DEF6: variants seen among roughly 807,000 people sequenced by gnomAD.
DEF6 encodes the protein DEF6 guanine nucleotide exchange factor, also known as differentially expressed in FDCP 6 homolog.
DEF6 carries 32 observed loss-of-function variants against 80.5 expected under a neutral mutation model. The observed-to-expected ratio is 0.40, with a 90% CI of 0.30 to 0.53. DEF6 has a LOEUF of 0.53. Ranked by LOEUF, DEF6 falls within the 20% of genes least tolerant of loss-of-function variation. The probability of loss-of-function intolerance (pLI) is 0.57; values close to 1 mark genes in which losing one functional copy is unlikely to be tolerated. For missense variants in DEF6, 575 were observed against 818.7 expected, an observed-to-expected ratio of 0.70 and a Z score of 3.63; for synonymous variants, 300 against 337.9, an observed-to-expected ratio of 0.89 and a Z score of 1.23.
chr6:35,299,942 C>T (rs1361563586), intron 1 of DEF6, among the ~76,000 whole-genome samples: 4 of 152,202 alleles, frequency 2.6e-5, no homozygotes, highest in East Asian at 1.9e-4. Flanking sequence ...AGGAAGCAGA[C>T]GAGAGAGTTA....
intron 1 of DEF6, among the ~76,000 whole-genome samples, 176 bp downstream of exon 1, chr6:35,298,128 C>T (rs1024756083): frequency 1.3e-5 from 2 of 152,184 alleles, no homozygotes; most frequent in East Asian, 1.9e-4. Flanking sequence ...TGGTAGATGC[C>T]GCTGCCCACC....
chr6:35,312,529 C>T lies in DEF6; in HGVS notation c.651C>T (p.Val217=), dbSNP rs1399854386. 6.2e-7 allele frequency: 1 copy of T among 1,613,996 alleles called. No homozygotes were observed. The highest frequency in any genetic ancestry group is 8.5e-7 in the Non-Finnish European group (1 of 1,180,018). The change falls in exon 4 of 11, where the codon GTC becomes GTT. Residue 217 remains valine, a synonymous_variant. Coordinates refer to ENST00000316637, the MANE Select transcript of DEF6 (RefSeq NM_022047.4). This position sits in a 1 kb window ranked among gnomAD's most constrained non-coding sequence, Gnocchi z 6.6. ...TCTACCAGGAGCTCATCCAAGATGT[C>T]CTGAAGCAGGTCAGGCAAGCTGGGA... ...HEVYQELIQD[V]LKQGYLWKRG... is the part of the protein sequence containing the mutation.
chr6:35,297,987 G>A, intron 1 of DEF6, 35 bp downstream of exon 1: 1 of 1,536,356 alleles, frequency 6.5e-7, no homozygotes, highest in East Asian at 2.3e-5. Context: ...GAGGACGGCA[G>A]ATGCACCACA....
chr6:35,310,065 A>G (rs1472405924), intron 2 of DEF6, among the ~76,000 whole-genome samples: 1 of 149,910 alleles, frequency 6.7e-6, no homozygotes. Context: ...CTTCCACCGA[A>G]TCCCTGCCCG....
rs746145271 is a variant in DEF6 at position 35,318,276 on chromosome 6, G to A, written c.1020G>A (p.Arg340=). The part of the protein sequence containing the change: ...REQREQRERR[R]AAKEEELLRL... ...AGCGGGAGCAGCGGGAGCGGCGCCGGGCGGCCAAGGAAGAGGAGCTGCTGC... is the reference window on the plus strand; with the variant it reads ...AGCGGGAGCAGCGGGAGCGGCGCCGAGCGGCCAAGGAAGAGGAGCTGCTGC... The change falls in exon 7 of 11, where the codon CGG becomes CGA. Residue 340 remains arginine, a synonymous_variant. Coordinates refer to ENST00000316637, the MANE Select transcript of DEF6 (RefSeq NM_022047.4). The surrounding 1 kb of genome is among the most constrained non-coding windows in gnomAD (Gnocchi z 5.1). 23 of 1,567,830 alleles carry A rather than the reference G, an allele frequency of 1.5e-5. No homozygotes were observed. The highest frequency in any genetic ancestry group is 1.9e-5 in the Non-Finnish European group (22 of 1,158,060).
intron 5 of DEF6, 115 bp from the exon 6 acceptor site, chr6:35,317,776 G>A (rs984112126): frequency 1.2e-6 from 1 of 810,298 alleles, no homozygotes; most frequent in East Asian, 2.8e-5. Context: ...GGCAGAGTGG[G>A]GTCCCCAGGG....
At chr6:35,308,395 G>A (rs1005160718) in intron 1 of DEF6, among the ~76,000 whole-genome samples, 6 of 151,502 alleles carry the variant, frequency 4.0e-5, no homozygotes, top group South Asian at 2.1e-4. Flanking sequence ...AGTTTTGGCC[G>A]GGCATGGTGC....
intron 1 of DEF6, among the ~76,000 whole-genome samples, chr6:35,303,043 C>CA (rs1791336217): frequency 6.6e-6 from 1 of 152,166 alleles, no homozygotes; most frequent in Admixed American, 6.5e-5. Flanking sequence ...CTCCCCTAGT[C>CA]ACACCCTCTC....
intron 1 of DEF6, among the ~76,000 whole-genome samples, chr6:35,299,639 G>C (rs1791287505): frequency 6.6e-6 from 1 of 152,196 alleles, no homozygotes; most frequent in African/African-American, 2.4e-5. Flanking sequence ...TGCTTGAACT[G>C]TCCACTGTCT....
rs1273186831 is a variant in DEF6, at chr6:35,319,585, A to T, written c.1277A>T (p.Gln426Leu). ...GAGGAGGAGGCTGCCCGGCAGCGGC[A>T]GCGCATCAAGGAGCTGGAGGAGATG... is the stretch of plus-strand genomic sequence containing the variant. The part of the protein sequence containing the change: ...LKEEEAARQR[Q>L]RIKELEEMQQ... The change falls in exon 8 of 11, where the codon CAG becomes CTG. Residue 426 changes from glutamine (Q) to leucine (L), a missense_variant. Physicochemically the swap from Gln to Leu is moderately radical, Grantham distance 113. Coordinates refer to ENST00000316637, the MANE Select transcript of DEF6 (RefSeq NM_022047.4). This position sits in a 1 kb window ranked among gnomAD's most constrained non-coding sequence, Gnocchi z 4.5. 6.2e-7 allele frequency: 1 copy of T among 1,613,894 alleles called. No individual in the cohort carries two copies. Among genetic ancestry groups the T allele is most frequent in the Admixed American group, 1.7e-5 (1 of 59,998 alleles).
At chr6:35,315,767 C>G (rs1791517579) in intron 5 of DEF6, among the ~76,000 whole-genome samples, 1 of 151,246 alleles carries the variant, frequency 6.6e-6, no homozygotes. Flanking sequence ...TATACAAATG[C>G]TACTGGGTTT....
chr6:35,298,176 G>A (rs968003526), intron 1 of DEF6, among the ~76,000 whole-genome samples: 2 of 152,180 alleles, frequency 1.3e-5, no homozygotes, highest in Non-Finnish European at 2.9e-5. Context: ...GAAACCTTGC[G>A]CAGAACTGGG....
chr6:35,303,160 G>T (rs1428409057), intron 1 of DEF6, among the ~76,000 whole-genome samples: 2 of 152,078 alleles, frequency 1.3e-5, no homozygotes, highest in African/African-American at 4.8e-5. Context: ...ATTCTTCCTT[G>T]TCCTACTATC....
At position 35,319,514 on chromosome 6, in the gene DEF6, C is replaced by G. The variant is rs779358538; in HGVS notation, c.1216-10C>G. The G allele has an allele frequency of 2.5e-6, 4 of 1,605,322 alleles. No homozygotes were observed. The highest frequency in any genetic ancestry group is 2.6e-6 in the Non-Finnish European group (3 of 1,175,034). On this transcript the variant is annotated splice_polypyrimidine_tract_variant and intron_variant, in intron 7 of 10. Transcript: ENST00000316637. This position sits in a 1 kb window ranked among gnomAD's most constrained non-coding sequence, Gnocchi z 4.5. ...CCTGGCTCTTGGTCCACCACCTCCCCCCTCCACAGGCCCGGGCCTCCATGC... is the reference window on the plus strand; with the variant it reads ...CCTGGCTCTTGGTCCACCACCTCCCGCCTCCACAGGCCCGGGCCTCCATGC...
In DEF6 at chr6:35,318,521, G is replaced by GGCCAGGGGCGGAGC. The variant is rs1356003493; in HGVS notation, c.1215+54_1215+67dup. On this transcript the variant is annotated intron_variant, in intron 7 of 10. Transcript: ENST00000316637. This position sits in a 1 kb window ranked among gnomAD's most constrained non-coding sequence, Gnocchi z 5.1. The stretch of plus-strand genomic sequence containing the variant: ...GACGGGACCGGTGGGCTGGGAGGCT[G>GGCCAGGGGCGGAGC]GCCAGGGGCGGAGCGCCGGGGGCGG... 3.0e-5 allele frequency: 40 copies of GGCCAGGGGCGGAGC among 1,352,588 alleles called. No individual in the cohort carries two copies. Among genetic ancestry groups the GGCCAGGGGCGGAGC allele is most frequent in the Admixed American group, 8.0e-5 (2 of 24,934 alleles). The allele number at this position is 1,352,588 out of a possible 1,614,324, so 83.8% of individuals were successfully genotyped here. A position where few individuals can be genotyped will look rare whatever the true frequency, so the allele number is the denominator to read the frequency against.
At chr6:35,306,511 TAAA>T (rs988384869) in intron 1 of DEF6, among the ~76,000 whole-genome samples, 1 of 140,842 alleles carries the variant, frequency 7.1e-6, no homozygotes, top group Admixed American at 7.0e-5. Context: ...AATTCTGTCT[TAAA>T]AAAAAAAAAA....
chr6:35,314,224 A>G (rs1791499837), intron 5 of DEF6, among the ~76,000 whole-genome samples: 1 of 152,064 alleles, frequency 6.6e-6, no homozygotes, highest in South Asian at 2.1e-4. Context: ...CCTGGCCAAC[A>G]TGGTGAGACC....
intron 1 of DEF6, among the ~76,000 whole-genome samples, chr6:35,302,912 T>C (rs1049367371): frequency 1.3e-5 from 2 of 152,150 alleles, no homozygotes; most frequent in Non-Finnish European, 2.9e-5. Context: ...CTTGATTTCC[T>C]CATCTCTAAA....
chr6:35,321,283 C>T lies in DEF6; in HGVS notation c.1769C>T (p.Ser590Phe). The stretch of plus-strand genomic sequence containing the variant: ...CTAAAGCGCCTGACCCGCTGGGGAT[C>T]CCAGGGCAACAGGACCCCCTCGCCC... ...SSLKRLTRWG[S>F]QGNRTPSPNS... The change falls in exon 11 of 11, where the codon TCC becomes TTC. Residue 590 changes from serine to phenylalanine, a missense_variant. Physicochemically the swap from Ser to Phe is radical, Grantham distance 155. Coordinates refer to ENST00000316637, the MANE Select transcript of DEF6 (RefSeq NM_022047.4). 6.2e-7 allele frequency: 1 copy of T among 1,614,022 alleles called. No individual in the cohort carries two copies. The highest frequency in any genetic ancestry group is 1.1e-5 in the South Asian group (1 of 91,060).
Sources: gnomAD v4.1 joint callset for allele counts (sites outside exome capture counted in the v4.1 genomes callset) on GRCh38, gnomAD v4.1.1 for gene constraint, Gnocchi (gnomAD v3.1) non-coding constraint, MANE v1.5 for transcripts, NCBI Gene and HGNC (gene_info 2026-07-23, HGNC 2026-07-21) for gene names.